The following ASIC2 variants were observed in gnomAD, a reference collection of about 807,000 sequenced individuals.
The protein encoded by ASIC2 is acid-sensing ion channel 2.
Under a neutral mutation model 57.3 loss-of-function variants are expected in ASIC2, and 25 were observed. The ratio of observed to expected loss-of-function variants is 0.44; its 90% confidence interval spans 0.32 to 0.61. ASIC2 has a LOEUF of 0.61. ASIC2 is among the 20% of genes least tolerant of loss of function. The probability of loss-of-function intolerance (pLI) is 0.06; values close to 1 mark genes in which losing one functional copy is unlikely to be tolerated. For synonymous variants in ASIC2, 319 were observed against 307.5 expected (o/e 1.04, Z -0.39); for missense variants, 641 against 738.1 (o/e 0.87, Z 1.52).
chr17:33,779,337 C>G (rs182500016), intron 1 of ASIC2, among the ~76,000 whole-genome samples: 1 of 152,116 alleles, frequency 6.6e-6, no homozygotes, highest in Non-Finnish European at 1.5e-5. Flanking sequence ...ACCGCTCAAG[C>G]CCCTGGGAAC....
intron 1 of ASIC2, among the ~76,000 whole-genome samples, chr17:34,026,929 A>AT (rs935986043): frequency 3.5e-4 from 53 of 152,260 alleles, no homozygotes; most frequent in African/African-American, 1.0e-3. Context: ...CTTTCTATTG[A>AT]TTTTTTCTCA....
At chr17:33,228,329 C>T (rs761485227) in intron 1 of ASIC2, among the ~76,000 whole-genome samples, 19 of 151,908 alleles carry the variant, frequency 1.3e-4, no homozygotes, top group Non-Finnish European at 1.8e-4. Flanking sequence ...TTTTATGCAA[C>T]GTAAATGTTA....
At chr17:33,633,604 A>G (rs1344337157) in intron 1 of ASIC2, among the ~76,000 whole-genome samples, 2 of 152,190 alleles carry the variant, frequency 1.3e-5, no homozygotes, top group African/African-American at 2.4e-5. Flanking sequence ...GCCAATTAGC[A>G]TAAGGCAGTA....
chr17:33,314,614 C>T (rs1906566797), intron 1 of ASIC2, among the ~76,000 whole-genome samples: 1 of 152,146 alleles, frequency 6.6e-6, no homozygotes, highest in South Asian at 2.1e-4. Flanking sequence ...AGGATTTTCA[C>T]ATTGAGTTTT....
intron 1 of ASIC2, among the ~76,000 whole-genome samples, chr17:33,824,860 C>T (rs1203549359): frequency 2.6e-5 from 4 of 152,178 alleles, no homozygotes; most frequent in African/African-American, 9.7e-5. Flanking sequence ...GCTGTGAGTC[C>T]ATTACACCTC....
At chr17:33,125,516 TC>T (rs1221058781) in intron 1 of ASIC2, among the ~76,000 whole-genome samples, 1 of 152,182 alleles carries the variant, frequency 6.6e-6, no homozygotes, top group Non-Finnish European at 1.5e-5. Flanking sequence ...CATTTTTAGT[TC>T]ATTCAACATC....
chr17:33,329,740 G>GT (rs796583093), intron 1 of ASIC2, among the ~76,000 whole-genome samples: 116 of 149,728 alleles, frequency 7.7e-4, no homozygotes, highest in East Asian at 3.7e-3. Context: ...TTCAGTTCCA[G>GT]TTTTTTTTTT....
chr17:33,286,267 A>G (rs1057046682), intron 1 of ASIC2, among the ~76,000 whole-genome samples: 12 of 152,306 alleles, frequency 7.9e-5, no homozygotes, highest in Admixed American at 7.8e-4. Flanking sequence ...CAAAATCTGA[A>G]CTCAAGGTTA....
chr17:33,096,764 T>C (rs2092181545), intron 2 of ASIC2, among the ~76,000 whole-genome samples: 1 of 152,134 alleles, frequency 6.6e-6, no homozygotes, highest in Non-Finnish European at 1.5e-5. Flanking sequence ...AGGGTGTTTG[T>C]GTAGTAACCA....
chr17:34,038,732 T>C, intron 1 of ASIC2: 2 of 1,606,084 alleles, frequency 1.2e-6, no homozygotes, highest in African/African-American at 1.3e-5. Flanking sequence ...TTCTTGTTCA[T>C]GGTATTCTTT....
chr17:33,471,972 T>A (rs1049457223), intron 1 of ASIC2, among the ~76,000 whole-genome samples: 1 of 151,776 alleles, frequency 6.6e-6, no homozygotes, highest in East Asian at 1.9e-4. Flanking sequence ...TCACTCAAGG[T>A]CTTACAGAGC....
At chr17:34,099,102 A>AAGAG (rs74200841) in intron 1 of ASIC2, among the ~76,000 whole-genome samples, 21 of 81,256 alleles carry the variant, frequency 2.6e-4, no homozygotes, top group East Asian at 1.7e-3. Flanking sequence ...TAAGAGAGAA[A>AAGAG]AGAGAGAGAG....
chr17:33,064,580 G>A (rs180994532), intron 3 of ASIC2, among the ~76,000 whole-genome samples: 162 of 152,320 alleles, frequency 1.1e-3, no homozygotes, highest in African/African-American at 3.8e-3. Context: ...GTACCTGGCC[G>A]TGTGAGGTGT....
At chr17:33,592,029 C>T (rs935895216) in intron 1 of ASIC2, among the ~76,000 whole-genome samples, 4 of 152,124 alleles carry the variant, frequency 2.6e-5, no homozygotes, top group African/African-American at 9.7e-5. Context: ...GCAAAGTTTC[C>T]CATTCTCTGG....
chr17:33,458,317 C>T (rs1218023626), intron 1 of ASIC2, among the ~76,000 whole-genome samples: 2 of 152,204 alleles, frequency 1.3e-5, no homozygotes, highest in African/African-American at 4.8e-5. Flanking sequence ...TTGTGAGATG[C>T]AGCACAAAGG....
At chr17:33,134,145 C>T (rs2092358639) in intron 1 of ASIC2, among the ~76,000 whole-genome samples, 1 of 152,194 alleles carries the variant, frequency 6.6e-6, no homozygotes, top group African/African-American at 2.4e-5. Flanking sequence ...TATGCAAGTG[C>T]AAAACCTTGT....
At chr17:34,121,534 C>T (rs1295892382) in intron 1 of ASIC2, among the ~76,000 whole-genome samples, 5 of 152,198 alleles carry the variant, frequency 3.3e-5, no homozygotes, top group South Asian at 2.1e-4. Flanking sequence ...GTCCCTGCTA[C>T]ATATTCAAGT....
chr17:33,184,849 C>A (rs1455132522), intron 1 of ASIC2, among the ~76,000 whole-genome samples: 1 of 152,178 alleles, frequency 6.6e-6, no homozygotes, highest in East Asian at 1.9e-4. Flanking sequence ...GAACTTATCA[C>A]CCCAGTAAGT....
At chr17:33,374,709 G>T (rs938096239) in intron 1 of ASIC2, among the ~76,000 whole-genome samples, 1 of 152,212 alleles carries the variant, frequency 6.6e-6, no homozygotes, top group Non-Finnish European at 1.5e-5. Context: ...TGAGCGTGAG[G>T]TTATGCAGCC....
Sources: allele counts gnomAD v4.1 joint callset (sites outside exome capture counted in the v4.1 genomes callset), GRCh38; gene constraint gnomAD v4.1.1; transcripts MANE v1.5; gene names NCBI Gene and HGNC (gene_info 2026-07-23, HGNC 2026-07-21).